The following ZMYM4 variants were observed in gnomAD, a reference collection of about 807,000 sequenced individuals.
The protein encoded by ZMYM4 is zinc finger MYM-type protein 4.
In ZMYM4, 31 loss-of-function variants were observed where a neutral mutation model predicts 183.2. That is an observed-to-expected ratio of 0.17 (90% CI 0.13 to 0.23). ZMYM4 has a LOEUF of 0.23. Ranked by LOEUF, ZMYM4 falls within the 10% of genes least tolerant of loss-of-function variation. The pLI is 1.00. For synonymous variants in ZMYM4, 592 were observed against 631.2 expected (o/e 0.94, Z 0.93); for missense variants, 1,273 against 1,840.3 (o/e 0.69, Z 5.64).
intron 2 of ZMYM4, among the ~76,000 whole-genome samples, chr1:35,337,017 G>A (rs1230752944): frequency 6.6e-6 from 1 of 152,104 alleles, no homozygotes; most frequent in Non-Finnish European, 1.5e-5. Flanking sequence ...TGTCATAATT[G>A]TAAGTTTACT....
rs775211352 is a variant in ZMYM4 at position 35,282,980 on chromosome 1, G to GTTTTTTTTTTTTTTT, written c.39+13917_39+13931dup. Among the ~76,000 whole-genome samples, 9 of 26,260 alleles carry GTTTTTTTTTTTTTTT rather than the reference G, an allele frequency of 3.4e-4. 3 individuals are homozygous for GTTTTTTTTTTTTTTT. The highest frequency in any genetic ancestry group is 4.6e-4 in the Non-Finnish European group (4 of 8,634). The allele number at this position is 26,260 out of a possible 152,430, so 17.2% of individuals were successfully genotyped here. A position where few individuals can be genotyped will look rare whatever the true frequency, so the allele number is the denominator to read the frequency against. On this transcript the variant is annotated intron_variant, in intron 1 of 29. Coordinates refer to ENST00000314607, the MANE Select transcript of ZMYM4 (RefSeq NM_005095.3). ...ATACTTGTTGTTTTCTGTGTGTGTG[G>GTTTTTTTTTTTTTTT]TTTTTTTTTTTTTTTTTTTTTTTTT...
At position 35,407,353 on chromosome 1, in the gene ZMYM4, A is replaced by G. The variant is rs115496800; in HGVS notation, c.3797-655A>G. Among the ~76,000 whole-genome samples, 589 of 149,672 alleles carry G rather than the reference A, an allele frequency of 3.9e-3. 3 individuals carry two copies. The highest frequency in any genetic ancestry group is 0.014 in the African/African-American group (575 of 40,494). On this transcript the variant is annotated intron_variant, in intron 25 of 29. Coordinates refer to ENST00000314607, the MANE Select transcript of ZMYM4 (RefSeq NM_005095.3). ...AGGCTGAGATAGGAGAATCACTTGA[A>G]CCCGGCGGAGGTTGCAGTGAGCCGA...
rs1340728708 is a variant in ZMYM4, at chr1:35,325,380, A to C, written c.60A>C (p.Ala20=). 6.2e-7 allele frequency: 1 copy of C among 1,604,164 alleles called. No individual in the cohort carries two copies. The highest frequency in any genetic ancestry group is 1.7e-5 in the Admixed American group (1 of 58,916). The stretch of plus-strand genomic sequence containing the variant: ...TCCAGTTTGAACAAAAAAGTGGTGC[A>C]GTTTTTGATGAAATTGTAGAGAACT... ...PRKRFEQKSG[A]VFDEIVENCG... Residue 20 remains alanine (A), a synonymous_variant, in exon 2 of 30, where the codon GCA becomes GCC. Transcript: ENST00000314607.
rs1639433474 is a variant in ZMYM4, at chr1:35,268,802, C to A, written c.-245C>A. On this transcript the variant is annotated 5_prime_UTR_variant, in exon 1 of 30. Transcript: ENST00000314607. ...GGGCCCCTTGGAGGCCATTAACCCC[C>A]CGAGTCCCGGCCCCCACCCCGTCCC... 1.3e-5 allele frequency among the ~76,000 whole-genome samples: 2 copies of A among 152,230 alleles called. No homozygotes were observed. Among genetic ancestry groups the A allele is most frequent in the Admixed American group, 6.5e-5 (1 of 15,282 alleles).
intron 18 of ZMYM4, among the ~76,000 whole-genome samples, chr1:35,394,365 G>C (rs1484720231): frequency 6.6e-6 from 1 of 151,492 alleles, no homozygotes; most frequent in Non-Finnish European, 1.5e-5. Context: ...CTTTTCCTAG[G>C]GTAGAGCCTC....
At chr1:35,330,213 A>G (rs1366139738) in intron 2 of ZMYM4, among the ~76,000 whole-genome samples, 1 of 151,974 alleles carries the variant, frequency 6.6e-6, no homozygotes, top group Non-Finnish European at 1.5e-5. Context: ...ACCCTGTCTC[A>G]AAATATAAAA....
intron 26 of ZMYM4, among the ~76,000 whole-genome samples, chr1:35,409,335 G>C (rs1639774334): frequency 6.6e-6 from 1 of 152,148 alleles, no homozygotes; most frequent in Non-Finnish European, 1.5e-5. Flanking sequence ...TGACTGAGTT[G>C]TTGAGGAACT....
intron 1 of ZMYM4, among the ~76,000 whole-genome samples, chr1:35,286,812 T>G (rs1448739825): frequency 3.4e-4 from 32 of 92,772 alleles, no homozygotes; most frequent in Non-Finnish European, 5.7e-4. Context: ...TTTTTTTTTG[T>G]AGAGACAGGG....
At chr1:35,319,770 T>C (rs940811462) in intron 1 of ZMYM4, among the ~76,000 whole-genome samples, 1 of 151,956 alleles carries the variant, frequency 6.6e-6, no homozygotes, top group Non-Finnish European at 1.5e-5. Context: ...ATTGTGGCGG[T>C]TGAAGGAATA....
intron 1 of ZMYM4, among the ~76,000 whole-genome samples, chr1:35,278,904 G>C (rs1043121469): frequency 6.6e-6 from 1 of 152,176 alleles, no homozygotes; most frequent in Non-Finnish European, 1.5e-5. Flanking sequence ...AAAATACAAT[G>C]ATGAGAGGAT....
intron 19 of ZMYM4, 129 bp from the exon 20 acceptor site, chr1:35,397,248 T>C (rs1644825041): frequency 8.7e-7 from 1 of 1,150,256 alleles, no homozygotes; most frequent in Non-Finnish European, 1.1e-6. Flanking sequence ...GCAAGACTAT[T>C]TTAATCATCA....
chr1:35,307,157 A>T (rs1331040971), intron 1 of ZMYM4, among the ~76,000 whole-genome samples: 1 of 152,200 alleles, frequency 6.6e-6, no homozygotes, highest in Non-Finnish European at 1.5e-5. Flanking sequence ...ATACTAAATT[A>T]TCTTTAAAAT....
intron 26 of ZMYM4, among the ~76,000 whole-genome samples, chr1:35,412,591 T>C (rs1302771328): frequency 6.6e-6 from 1 of 152,150 alleles, no homozygotes; most frequent in Non-Finnish European, 1.5e-5. Context: ...TCTTAAAGAT[T>C]GGAAATATTT....
intron 1 of ZMYM4, among the ~76,000 whole-genome samples, chr1:35,274,600 A>T (rs1639775013): frequency 6.9e-6 from 1 of 145,668 alleles, no homozygotes; most frequent in Non-Finnish European, 1.5e-5. Flanking sequence ...AGCAAGAGAG[A>T]CACTGTTTTT....
rs1553179029 is a variant in ZMYM4, at chr1:35,389,768, AAT to A, written c.2437-167_2437-166del. On this transcript the variant is annotated intron_variant, in intron 14 of 29. Coordinates refer to ENST00000314607, the MANE Select transcript of ZMYM4 (RefSeq NM_005095.3). The surrounding 1 kb of genome is among the most constrained non-coding windows in gnomAD (Gnocchi z 4.0). The stretch of plus-strand genomic sequence containing the variant: ...AGGCTCTGTCTCAAAAAAAAAAAAA[AAT>A]ATATATATATATGTGTGTGTGTGTG... Among the ~76,000 whole-genome samples the A allele has an allele frequency of 0.011, 1,518 of 138,742 alleles. 13 individuals carry two copies. Among genetic ancestry groups the A allele is most frequent in the Non-Finnish European group, 0.015 (1,013 of 66,562 alleles). The allele number at this position is 138,742 out of a possible 152,430, so 91.0% of individuals were successfully genotyped here.
At chr1:35,318,159 A>G (rs1047476675) in intron 1 of ZMYM4, among the ~76,000 whole-genome samples, 1 of 150,576 alleles carries the variant, frequency 6.6e-6, no homozygotes, top group Non-Finnish European at 1.5e-5. Flanking sequence ...CCCGGGTTCA[A>G]GTGATTCTCC....
chr1:35,376,295 G>A (rs1644332279), intron 7 of ZMYM4, among the ~76,000 whole-genome samples: 1 of 151,878 alleles, frequency 6.6e-6, no homozygotes, highest in Admixed American at 6.6e-5. Flanking sequence ...AATCTAATTG[G>A]ACTCTAAGCA....
rs1260220457 is a variant in ZMYM4 at position 35,330,623 on chromosome 1, T to G, written c.85+5218T>G. 2.6e-5 allele frequency among the ~76,000 whole-genome samples: 4 copies of G among 152,204 alleles called. No individual in the cohort carries two copies. The East Asian group carries it at 7.7e-4, about 29-fold the overall frequency. ...TTGTTATCAAGAATAAAATTGAGGC[T>G]CTCTTAGTAAGGAAAAGGGAGAGAA... On this transcript the variant is annotated intron_variant, in intron 2 of 29. Transcript: ENST00000314607.
chr1:35,414,528 G>A (rs1640036235), intron 27 of ZMYM4, among the ~76,000 whole-genome samples: 1 of 152,148 alleles, frequency 6.6e-6, no homozygotes, highest in Non-Finnish European at 1.5e-5. Flanking sequence ...GAATGAAGAG[G>A]TTCAATGTTA....
Sources: allele counts gnomAD v4.1 joint callset (sites outside exome capture counted in the v4.1 genomes callset), GRCh38; gene constraint gnomAD v4.1.1; non-coding constraint Gnocchi (gnomAD v3.1); transcripts MANE v1.5; gene names NCBI Gene and HGNC (gene_info 2026-07-23, HGNC 2026-07-21).